Variants in PCDHGA11 observed in about 807,000 individuals in gnomAD.
The protein encoded by PCDHGA11 is protocadherin gamma subfamily A, 11.
In PCDHGA11, 39 loss-of-function variants were observed where a neutral mutation model predicts 60.4. That is an observed-to-expected ratio of 0.65 (90% CI 0.50 to 0.84). PCDHGA11 has a LOEUF of 0.84. PCDHGA11 is among the 40% of genes least tolerant of loss of function. The probability of loss-of-function intolerance (pLI) is 0.00; values close to 1 mark genes in which losing one functional copy is unlikely to be tolerated. For synonymous variants in PCDHGA11, 533 were observed against 510.3 expected (o/e 1.04, Z -0.60); for missense variants, 1,165 against 1,197.7 (o/e 0.97, Z 0.40).
chr5:141,476,979 G>T lies in PCDHGA11; in HGVS notation c.2434-17828G>T. The T allele has an allele frequency of 1.2e-6, 2 of 1,614,238 alleles. No individual in the cohort carries two copies. The highest frequency in any genetic ancestry group is 1.7e-6 in the Non-Finnish European group (2 of 1,180,042). The stretch of plus-strand genomic sequence containing the variant: ...ATTTACTCCTTCGGCAGCCACAACC[G>T]CGCCGGCGTGCGGCAACTATTCGCC... On this transcript the variant is annotated intron_variant, in intron 1 of 3. Coordinates refer to ENST00000398587, the MANE Select transcript of PCDHGA11 (RefSeq NM_018914.3). This position sits in a 1 kb window ranked among gnomAD's most constrained non-coding sequence, Gnocchi z 7.6.
Position 141,421,838 on chromosome 5 carries a change from A to G in PCDHGA11, c.611A>G (p.Glu204Gly), listed in dbSNP as rs2096604619. The G allele has an allele frequency of 6.2e-7, 1 of 1,613,764 alleles. No individual in the cohort carries two copies. The highest frequency in any genetic ancestry group is 2.2e-5 in the East Asian group (1 of 44,888). Residue 204 changes from glutamate (E) to glycine (G), a missense_variant, in exon 1 of 4, where the codon GAG becomes GGG. Transcript: ENST00000398587. ...ELVLEGSLDR[E>G]KEAAHLLLLT... ...GTACTGGAGGGAAGCCTGGACCGAG[A>G]GAAAGAGGCTGCTCACCTGCTCCTC...
In PCDHGA11 at chr5:141,485,219, A is replaced by C. The variant is rs954128321; in HGVS notation, c.2434-9588A>C. 20 of 1,613,930 alleles carry C rather than the reference A, an allele frequency of 1.2e-5. No individual in the cohort carries two copies. The highest frequency in any genetic ancestry group is 1.6e-5 in the Non-Finnish European group (19 of 1,179,944). On this transcript the variant is annotated intron_variant, in intron 1 of 3. Coordinates refer to ENST00000398587, the MANE Select transcript of PCDHGA11 (RefSeq NM_018914.3). The surrounding 1 kb of genome is among the most constrained non-coding windows in gnomAD (Gnocchi z 5.7). The stretch of plus-strand genomic sequence containing the variant: ...CTGGACAGAAATCTGGCGGTGGGCT[A>C]CCCTTTTGTTCCTCTTTTACCACCT...
In PCDHGA11 at chr5:141,431,543, C is replaced by T. The variant is rs1334234544; in HGVS notation, c.2433+7883C>T. The T allele has an allele frequency of 1.9e-6, 3 of 1,614,128 alleles. No individual in the cohort carries two copies. The highest frequency in any genetic ancestry group is 2.5e-6 in the Non-Finnish European group (3 of 1,180,036). ...GAATCTGGCCTTGGGCACGCAGCTGCTTGTAGTCAACGCTACCGACCCTGA... is the reference window on the plus strand; with the variant it reads ...GAATCTGGCCTTGGGCACGCAGCTGTTTGTAGTCAACGCTACCGACCCTGA... On this transcript the variant is annotated intron_variant, in intron 1 of 3. Transcript: ENST00000398587. This position sits in a 1 kb window ranked among gnomAD's most constrained non-coding sequence, Gnocchi z 4.8.
Position 141,432,292 on chromosome 5 carries a change from T to G in PCDHGA11, c.2433+8632T>G. 6.2e-7 allele frequency: 1 copy of G among 1,614,196 alleles called. No homozygotes were observed. The highest frequency in any genetic ancestry group is 8.5e-7 in the Non-Finnish European group (1 of 1,180,042). On this transcript the variant is annotated intron_variant, in intron 1 of 3. Transcript: ENST00000398587. This position sits in a 1 kb window ranked among gnomAD's most constrained non-coding sequence, Gnocchi z 6.0. Reference sequence around the variant, plus strand: ...CCTACGTGTCCATCAACTCCGACACTGGGGTACTGTATGCGCTGAGCTCCT... The same window carrying G: ...CCTACGTGTCCATCAACTCCGACACGGGGGTACTGTATGCGCTGAGCTCCT...
Position 141,487,315 on chromosome 5 carries a change from G to C in PCDHGA11, c.2434-7492G>C, listed in dbSNP as rs568326280. On this transcript the variant is annotated intron_variant, in intron 1 of 3. Transcript: ENST00000398587. The surrounding 1 kb of genome is among the most constrained non-coding windows in gnomAD (Gnocchi z 5.0). ...GCTCATTCGTGGCACTACTCTCTAA[G>C]TGTCTTCGTGGGGCAGCCTGTGGAG... 6.2e-7 allele frequency: 1 copy of C among 1,614,166 alleles called. No individual in the cohort carries two copies. Among genetic ancestry groups the C allele is most frequent in the Admixed American group, 1.7e-5 (1 of 60,028 alleles).
intron 1 of PCDHGA11, among the ~76,000 whole-genome samples, chr5:141,467,814 A>G (rs2099152300): frequency 6.6e-6 from 1 of 151,978 alleles, no homozygotes; most frequent in Non-Finnish European, 1.5e-5. Flanking sequence ...ACATGCCACC[A>G]CACCAGGCTG....
chr5:141,423,877 C>A, intron 1 of PCDHGA11: 1 of 1,283,890 alleles, frequency 7.8e-7, no homozygotes, highest in Non-Finnish European at 9.9e-7. Flanking sequence ...ATTTTTCAAT[C>A]TTGGCATATT....
intron 1 of PCDHGA11, chr5:141,427,783 C>T (rs765131117): frequency 1.4e-6 from 2 of 1,460,966 alleles, no homozygotes; most frequent in Non-Finnish European, 1.9e-6. Flanking sequence ...CGGGCACTGT[C>T]GTCCTACGTG....
At position 141,487,603 on chromosome 5, in the gene PCDHGA11, C is replaced by T; in HGVS notation, c.2434-7204C>T. The stretch of plus-strand genomic sequence containing the variant: ...CAAGCTGCCCACCCTCTGATCTTCT[C>T]TATGGGCTAGAGGTGAGACCTTTGC... On this transcript the variant is annotated intron_variant, in intron 1 of 3. Transcript: ENST00000398587. This position sits in a 1 kb window ranked among gnomAD's most constrained non-coding sequence, Gnocchi z 5.0. 1.2e-6 allele frequency: 2 copies of T among 1,614,214 alleles called. No individual in the cohort carries two copies. Among genetic ancestry groups the T allele is most frequent in the Non-Finnish European group, 1.7e-6 (2 of 1,180,042 alleles).
Position 141,487,243 on chromosome 5 carries a change from C to T in PCDHGA11, c.2434-7564C>T. 1 of 1,614,114 alleles carries T rather than the reference C, an allele frequency of 6.2e-7. No individual in the cohort carries two copies. The highest frequency in any genetic ancestry group is 8.5e-7 in the Non-Finnish European group (1 of 1,180,000). Reference sequence around the variant, plus strand: ...CAAGGGAAGGAGAATCTCGTCTAACCCTCTACTTGGCTGTGTCCCTAGTGG... The same window carrying T: ...CAAGGGAAGGAGAATCTCGTCTAACTCTCTACTTGGCTGTGTCCCTAGTGG... On this transcript the variant is annotated intron_variant, in intron 1 of 3. Coordinates refer to ENST00000398587, the MANE Select transcript of PCDHGA11 (RefSeq NM_018914.3). The surrounding 1 kb of genome is among the most constrained non-coding windows in gnomAD (Gnocchi z 5.0).
chr5:141,486,590 C>T lies in PCDHGA11; in HGVS notation c.2434-8217C>T, dbSNP rs781629297. On this transcript the variant is annotated intron_variant, in intron 1 of 3. Transcript: ENST00000398587. This position sits in a 1 kb window ranked among gnomAD's most constrained non-coding sequence, Gnocchi z 5.0. Reference sequence around the variant, plus strand: ...TCCTGAGAACAATCGCCCAGGGGACCTGCTTTGCTCCCTTGCAGCCTCTGA... The same window carrying T: ...TCCTGAGAACAATCGCCCAGGGGACTTGCTTTGCTCCCTTGCAGCCTCTGA... The T allele has an allele frequency of 6.2e-7, 1 of 1,613,640 alleles. No individual in the cohort carries two copies.
At chr5:141,428,186 CCGCTCTCTGCGCCGCTA>C (rs1167279209) in intron 1 of PCDHGA11, 1 of 1,460,956 alleles carries the variant, frequency 6.8e-7, no homozygotes, top group Admixed American at 1.8e-5. Context: ...AGGACAGCCG[CCGCTCTCTGCGCCGCTA>C]CGCTTCACCT....
chr5:141,496,083 C>T (rs1267834920), intron 2 of PCDHGA11, among the ~76,000 whole-genome samples: 8 of 151,904 alleles, frequency 5.3e-5, no homozygotes, highest in Admixed American at 3.3e-4. Flanking sequence ...CAACCCCCCA[C>T]CCACCACCCA....
intron 3 of PCDHGA11, among the ~76,000 whole-genome samples, 188 bp from the exon 4 acceptor site, chr5:141,510,759 G>A (rs1026623444): frequency 6.6e-5 from 10 of 152,172 alleles, no homozygotes; most frequent in African/African-American, 2.4e-4. Context: ...TCTCACTCCA[G>A]AGCCTCTTAA....
In PCDHGA11 at chr5:141,432,198, AC is replaced by A. The variant is rs1345236539; in HGVS notation, c.2433+8539del. ...GTCTCTGTGACCGCCCACGACCCCG[AC>A]TGTGAAGAGAACGCCCAGATCACTT... is the stretch of plus-strand genomic sequence containing the variant. On this transcript the variant is annotated intron_variant, in intron 1 of 3. Coordinates refer to ENST00000398587, the MANE Select transcript of PCDHGA11 (RefSeq NM_018914.3). This position sits in a 1 kb window ranked among gnomAD's most constrained non-coding sequence, Gnocchi z 6.0. 6 of 1,613,998 alleles carry A rather than the reference AC, an allele frequency of 3.7e-6. No homozygotes were observed. Among genetic ancestry groups the A allele is most frequent in the Non-Finnish European group, 4.2e-6 (5 of 1,180,030 alleles).
At chr5:141,478,142 G>C in intron 1 of PCDHGA11, 1 of 1,613,988 alleles carries the variant, frequency 6.2e-7, no homozygotes, top group South Asian at 1.1e-5. Flanking sequence ...AGCCCGAGCC[G>C]AGTTCCCCTC....
chr5:141,478,758 T>C (rs1333135263), intron 1 of PCDHGA11: 2 of 1,515,540 alleles, frequency 1.3e-6, no homozygotes, highest in South Asian at 1.3e-5. Flanking sequence ...AGGGGGAAGA[T>C]ACTTGACTCA....
rs537619617 is a variant in PCDHGA11 at position 141,483,429 on chromosome 5, C to G, written c.2434-11378C>G. On this transcript the variant is annotated intron_variant, in intron 1 of 3. Coordinates refer to ENST00000398587, the MANE Select transcript of PCDHGA11 (RefSeq NM_018914.3). ...ACAGTGGCAGTACAGATGGAGGGAGCTGACTACAATAAAATCATCAGGACT... is the reference window on the plus strand; with the variant it reads ...ACAGTGGCAGTACAGATGGAGGGAGGTGACTACAATAAAATCATCAGGACT... Among the ~76,000 whole-genome samples the G allele has an allele frequency of 5.3e-5, 8 of 152,158 alleles. No individual in the cohort carries two copies. In the East Asian group the frequency reaches 1.5e-3, roughly 29 times the overall value.
chr5:141,434,092 A>C (rs1333686339), intron 1 of PCDHGA11, among the ~76,000 whole-genome samples: 1 of 152,172 alleles, frequency 6.6e-6, no homozygotes, highest in Non-Finnish European at 1.5e-5. Context: ...TTTGATGCTG[A>C]AATTGTCCCA....
Sources: allele counts gnomAD v4.1 joint callset (sites outside exome capture counted in the v4.1 genomes callset), GRCh38; gene constraint gnomAD v4.1.1; non-coding constraint Gnocchi (gnomAD v3.1); transcripts MANE v1.5; gene names NCBI Gene and HGNC (gene_info 2026-07-23, HGNC 2026-07-21).